Variants in EHBP1 observed in about 807,000 individuals in gnomAD.
The protein encoded by EHBP1 is EH domain binding protein 1.
A neutral mutation model predicts 144.0 loss-of-function variants in EHBP1; 55 were observed. That is an observed-to-expected ratio of 0.38 (90% CI 0.31 to 0.48). The LOEUF (loss-of-function observed/expected upper bound fraction) is 0.48, where lower values mean the gene tolerates loss of function less well. EHBP1 is among the 20% of genes least tolerant of loss of function. EHBP1 has a pLI of 0.98. For synonymous variants in EHBP1, 469 were observed against 472.7 expected, an observed-to-expected ratio of 0.99 and a Z score of 0.10; for missense variants, 1,200 against 1,364.2, an observed-to-expected ratio of 0.88 and a Z score of 1.90.
rs551674238 is a variant in EHBP1 at position 62,826,342 on chromosome 2, G to A, written c.494+74G>A. The stretch of plus-strand genomic sequence containing the variant: ...CCATAGCTTTTGACTCAGTAGACTG[G>A]CAATAGTTGAACATCTTACAGCATA... On this transcript the variant is annotated intron_variant, in intron 6 of 22. Transcript: ENST00000431489. 4 of 1,362,244 alleles carry A rather than the reference G, an allele frequency of 2.9e-6. No individual in the cohort carries two copies. In the South Asian group the frequency reaches 6.6e-5, roughly 23 times the overall value. The allele number at this position is 1,362,244 out of a possible 1,614,324, so 84.4% of individuals were successfully genotyped here. A position where few individuals can be genotyped will look rare whatever the true frequency, so the allele number is the denominator to read the frequency against.
upstream of EHBP1, among the ~76,000 whole-genome samples, chr2:62,701,691 A>G (rs998737138): frequency 6.6e-6 from 1 of 152,226 alleles, no homozygotes; most frequent in African/African-American, 2.4e-5. Flanking sequence ...AACAACTACT[A>G]CAGAAACCAT....
intron 3 of EHBP1, among the ~76,000 whole-genome samples, chr2:62,762,095 A>G (rs2040816442): frequency 6.6e-6 from 1 of 152,042 alleles, no homozygotes; most frequent in African/African-American, 2.4e-5. Flanking sequence ...CAGCCACTGT[A>G]CCTGGCCTTA....
chr2:62,858,338 C>A, intron 7 of EHBP1: 4 of 1,002,534 alleles, frequency 4.0e-6, no homozygotes, highest in Non-Finnish European at 6.1e-6. Context: ...TGGGTAACAG[C>A]ATGCTCCTAC....
intron 7 of EHBP1, among the ~76,000 whole-genome samples, chr2:62,841,599 C>G (rs2047877766): frequency 6.6e-6 from 1 of 152,260 alleles, no homozygotes; most frequent in Non-Finnish European, 1.5e-5. Context: ...ACCCCATTGG[C>G]TATTATGTTT....
intron 2 of EHBP1, among the ~76,000 whole-genome samples, chr2:62,727,025 A>G (rs781266341): frequency 6.6e-6 from 1 of 151,976 alleles, no homozygotes; most frequent in African/African-American, 2.4e-5. Flanking sequence ...ACCACGCCCG[A>G]CTAATTTTTG....
intron 10 of EHBP1, among the ~76,000 whole-genome samples, chr2:62,882,711 C>T (rs1304409084): frequency 1.3e-5 from 2 of 152,036 alleles, no homozygotes; most frequent in Non-Finnish European, 2.9e-5. Context: ...GGAGAAACCT[C>T]GTCTCTACTA....
chr2:62,676,890 A>C (rs1176764230), intron 1 of EHBP1, among the ~76,000 whole-genome samples: 1 of 152,188 alleles, frequency 6.6e-6, no homozygotes, highest in Non-Finnish European at 1.5e-5. Context: ...CCTTTGAAGG[A>C]TAGCCAGGTG....
chr2:62,883,443 C>T (rs1319036606), intron 10 of EHBP1, among the ~76,000 whole-genome samples: 1 of 152,146 alleles, frequency 6.6e-6, no homozygotes, highest in Non-Finnish European at 1.5e-5. Flanking sequence ...CCTCATTATG[C>T]TCAGACATAG....
chr2:63,018,534 A>G (rs2060575824), intron 19 of EHBP1, among the ~76,000 whole-genome samples: 1 of 152,166 alleles, frequency 6.6e-6, no homozygotes, highest in South Asian at 2.1e-4. Flanking sequence ...AGGGCTTCCT[A>G]AGGTTCTCAT....
intron 10 of EHBP1, among the ~76,000 whole-genome samples, chr2:62,893,041 A>G (rs2052590855): frequency 1.3e-5 from 2 of 152,268 alleles, no homozygotes; most frequent in South Asian, 4.1e-4. Context: ...TCCAAAAGAT[A>G]TTTTTCAAAA....
At chr2:62,985,704 A>G (rs1368259168) in intron 15 of EHBP1, among the ~76,000 whole-genome samples, 2 of 152,228 alleles carry the variant, frequency 1.3e-5, no homozygotes, top group Admixed American at 6.5e-5. Context: ...TCATGCCTGT[A>G]AAGCCCTCCC....
chr2:62,959,724 G>A (rs1017713187), intron 14 of EHBP1, among the ~76,000 whole-genome samples: 24 of 151,966 alleles, frequency 1.6e-4, no homozygotes, highest in African/African-American at 5.3e-4. Context: ...CTTTTTAATC[G>A]GGTTAACAGT....
intron 3 of EHBP1, among the ~76,000 whole-genome samples, chr2:62,749,737 T>C (rs572107440): frequency 6.6e-6 from 1 of 152,230 alleles, no homozygotes; most frequent in Non-Finnish European, 1.5e-5. Flanking sequence ...TGGCCAGTGA[T>C]GATGAGCATT....
chr2:62,987,188 G>T (rs1240719647), intron 15 of EHBP1, among the ~76,000 whole-genome samples: 1 of 152,036 alleles, frequency 6.6e-6, no homozygotes, highest in East Asian at 1.9e-4. Context: ...ATTTGGAGAG[G>T]AAAAAATATC....
chr2:62,953,613 A>G (rs1441650858), intron 13 of EHBP1, among the ~76,000 whole-genome samples: 1 of 151,972 alleles, frequency 6.6e-6, no homozygotes, highest in African/African-American at 2.4e-5. Flanking sequence ...TAAGACCATG[A>G]GAAAATGCTC....
chr2:62,990,169 GA>G (rs2153222500), intron 15 of EHBP1, among the ~76,000 whole-genome samples: 1 of 152,158 alleles, frequency 6.6e-6, no homozygotes, highest in Non-Finnish European at 1.5e-5. Context: ...TATCTAAGTA[GA>G]GGGTATTTGT....
intron 10 of EHBP1, among the ~76,000 whole-genome samples, chr2:62,900,729 G>C (rs2053348041): frequency 6.9e-6 from 1 of 144,138 alleles, no homozygotes; most frequent in African/African-American, 2.9e-5. Flanking sequence ...TTTATCTTAA[G>C]TTTTGTCTAT....
rs111857004 is a variant in EHBP1 at position 62,830,211 on chromosome 2, T to TACACAC, written c.495-800_495-795dup. Among the ~76,000 whole-genome samples, 3 of 146,014 alleles carry TACACAC rather than the reference T, an allele frequency of 2.1e-5. No individual in the cohort carries two copies. The Admixed American group carries it at 2.1e-4, about 10-fold the overall frequency. On this transcript the variant is annotated intron_variant, in intron 6 of 22. Transcript: ENST00000431489. ...ACACACACACATATATATACACATA[T>TACACAC]ACACACACACACATACACACAATAT...
intron 4 of EHBP1, among the ~76,000 whole-genome samples, chr2:62,767,267 A>T (rs1297907848): frequency 2.0e-5 from 3 of 152,176 alleles, no homozygotes; most frequent in Non-Finnish European, 2.9e-5. Flanking sequence ...TCTTAATAGT[A>T]CATTTACTGG....
Sources: allele counts gnomAD v4.1 joint callset (sites outside exome capture counted in the v4.1 genomes callset), GRCh38; gene constraint gnomAD v4.1.1; transcripts MANE v1.5; gene names NCBI Gene and HGNC (gene_info 2026-07-23, HGNC 2026-07-21).